Variants in PIP5K1C observed in about 807,000 individuals in gnomAD.
The protein encoded by PIP5K1C is phosphatidylinositol 4-phosphate 5-kinase type-1 gamma.
PIP5K1C carries 45 observed loss-of-function variants against 80.1 expected under a neutral mutation model. That is an observed-to-expected ratio of 0.56 (90% CI 0.44 to 0.72). The LOEUF (loss-of-function observed/expected upper bound fraction) is 0.72, where lower values mean the gene tolerates loss of function less well. Ranked by LOEUF, PIP5K1C falls within the 30% of genes least tolerant of loss-of-function variation. The probability of loss-of-function intolerance (pLI) is 0.00; values close to 1 mark genes in which losing one functional copy is unlikely to be tolerated. For missense variants in PIP5K1C, 753 were observed against 954.6 expected (o/e 0.79, Z 2.78); for synonymous variants, 498 against 420.1 (o/e 1.19, Z -2.27).
At chr19:3,663,968 C>T (rs1212321343) in intron 3 of PIP5K1C, among the ~76,000 whole-genome samples, 1 of 152,158 alleles carries the variant, frequency 6.6e-6, no homozygotes, top group Non-Finnish European at 1.5e-5. Flanking sequence ...GTGAAGCACC[C>T]GAGCGTCCAT....
At position 3,637,756 on chromosome 19, in the gene PIP5K1C, G is replaced by T. The variant is rs1380750592; in HGVS notation, c.1920+1128C>A. ...GACAGCTGACTGCCAAGCAGAAGGT[G>T]GGGGGTGCCGGGGCAGGGGCAGGAC... is the stretch of plus-strand genomic sequence containing the variant. On this transcript the variant is annotated intron_variant, in intron 16 of 17. Coordinates refer to ENST00000335312, the MANE Select transcript of PIP5K1C (RefSeq NM_012398.3). This position sits in a 1 kb window ranked among gnomAD's most constrained non-coding sequence, Gnocchi z 7.0. 5 of 1,528,766 alleles carry T rather than the reference G, an allele frequency of 3.3e-6. No homozygotes were observed. Among genetic ancestry groups the T allele is most frequent in the Middle Eastern group, 2.2e-4 (1 of 4,628 alleles). The allele number at this position is 1,528,766 out of a possible 1,614,324, so 94.7% of individuals were successfully genotyped here.
At chr19:3,639,999 G>A (rs1165149579) in intron 15 of PIP5K1C, among the ~76,000 whole-genome samples, 1 of 152,204 alleles carries the variant, frequency 6.6e-6, no homozygotes, top group Non-Finnish European at 1.5e-5. Context: ...ATTTCACGGT[G>A]CAAGGTTTGG....
rs1599920108 is a variant in PIP5K1C at position 3,637,089 on chromosome 19, G to T, written c.1920+1795C>A. On this transcript the variant is annotated intron_variant, in intron 16 of 17. Transcript: ENST00000335312. This position sits in a 1 kb window ranked among gnomAD's most constrained non-coding sequence, Gnocchi z 7.0. ...CGTCTCCATGGCCCTGCGGTTCAGA[G>T]CCCGGCCCTGCAGCCACTCTGCTGA... The T allele has an allele frequency of 3.1e-6, 4 of 1,276,296 alleles. No individual in the cohort carries two copies. Among genetic ancestry groups the T allele is most frequent in the East Asian group, 4.0e-5 (1 of 25,090 alleles). 79.1% of individuals were successfully genotyped at this position (1,276,296 alleles called of 1,614,324 possible).
chr19:3,669,880 G>A (rs2035144073), intron 1 of PIP5K1C: 1 of 152,302 alleles, frequency 6.6e-6, no homozygotes, highest in African/African-American at 2.4e-5. Context: ...GCAGCCCATA[G>A]CTTTGCTCTG....
At chr19:3,661,108 C>T (rs1428613827) in intron 4 of PIP5K1C, 25 bp from the exon 5 acceptor site, 2 of 1,535,020 alleles carry the variant, frequency 1.3e-6, no homozygotes, top group African/African-American at 1.4e-5. Flanking sequence ...CGGGAGGAAA[C>T]CTGTGAGGGG....
At position 3,661,061 on chromosome 19, in the gene PIP5K1C, C is replaced by T; in HGVS notation, c.373G>A (p.Ala125Thr). ...AAGCGGAAGTCCTGGAAGTGGTGGGCGGGGGTGAGGTTGCTGCCTTCGCTG... is the reference window on the plus strand; with the variant it reads ...AAGCGGAAGTCCTGGAAGTGGTGGGTGGGGGTGAGGTTGCTGCCTTCGCTG... Reference protein sequence around the residue: ...FPSEGSNLTPAHHFQDFRFKT... With the variant: ...FPSEGSNLTPTHHFQDFRFKT... The change falls in exon 5 of 18, where the codon GCC becomes ACC. Residue 125 changes from alanine (A) to threonine (T), a missense_variant. By Grantham distance (58) the Ala-to-Thr change is moderately conservative. Around this residue, in one of 6 missense-constraint regions of PIP5K1C, gnomAD observed 139 missense variants for 289.7 expected, o/e 0.48. Coordinates refer to ENST00000335312, the MANE Select transcript of PIP5K1C (RefSeq NM_012398.3). 6 of 1,613,810 alleles carry T rather than the reference C, an allele frequency of 3.7e-6. No individual in the cohort carries two copies. The highest frequency in any genetic ancestry group is 5.1e-6 in the Non-Finnish European group (6 of 1,179,832).
At chr19:3,645,324 G>C (rs759073171) in intron 11 of PIP5K1C, among the ~76,000 whole-genome samples, 8 of 152,236 alleles carry the variant, frequency 5.3e-5, no homozygotes, top group African/African-American at 1.2e-4. Flanking sequence ...CAGACCCCAG[G>C]GGGGAATCCA....
In PIP5K1C at chr19:3,652,375, G is replaced by A. The variant is rs949428510; in HGVS notation, c.922-344C>T. The stretch of plus-strand genomic sequence containing the variant: ...CCAGCCCAGGCCCATGGGCAAGGAC[G>A]TGCCCGGCCTGACAGGTGACACCCA... On this transcript the variant is annotated intron_variant, in intron 7 of 17. Coordinates refer to ENST00000335312, the MANE Select transcript of PIP5K1C (RefSeq NM_012398.3). Among the ~76,000 whole-genome samples the A allele has an allele frequency of 1.4e-4, 21 of 152,260 alleles. No individual in the cohort carries two copies. The East Asian group carries it at 1.5e-3, about 11-fold the overall frequency.
At chr19:3,633,716 A>T (rs2033552107) in intron 16 of PIP5K1C, among the ~76,000 whole-genome samples, 196 bp from the exon 17 acceptor site, 1 of 152,010 alleles carries the variant, frequency 6.6e-6, no homozygotes, top group Non-Finnish European at 1.5e-5. Context: ...CTGGGGCCTC[A>T]GCTCAGCTTG....
In PIP5K1C at chr19:3,672,194, A is replaced by G. The variant is rs535812433; in HGVS notation, c.95-4841T>C. ...GTCTCTCTCTATAAAGTGCGGCTGA[A>G]GCCAGCTCGAGCCCTAGAGGCACTG... On this transcript the variant is annotated intron_variant, in intron 1 of 17. Coordinates refer to ENST00000335312, the MANE Select transcript of PIP5K1C (RefSeq NM_012398.3). Among the ~76,000 whole-genome samples, 36 of 152,350 alleles carry G rather than the reference A, an allele frequency of 2.4e-4. 1 individual carries two copies. The South Asian group carries it at 7.2e-3, about 31-fold the overall frequency.
At chr19:3,668,097 C>T (rs775207990) in intron 1 of PIP5K1C, among the ~76,000 whole-genome samples, 1 of 151,978 alleles carries the variant, frequency 6.6e-6, no homozygotes, top group Non-Finnish European at 1.5e-5. Flanking sequence ...GGGCCTGGGC[C>T]GCAGCTCCAG....
chr19:3,697,705 G>A (rs1205069253), intron 1 of PIP5K1C, among the ~76,000 whole-genome samples: 1 of 152,134 alleles, frequency 6.6e-6, no homozygotes, highest in African/African-American at 2.4e-5. Context: ...GTGGGAGTGG[G>A]GCAGGGGCAG....
Position 3,653,599 on chromosome 19 carries a change from G to C in PIP5K1C, c.622-10C>G. 6.2e-7 allele frequency: 1 copy of C among 1,603,522 alleles called. No homozygotes were observed. Among genetic ancestry groups the C allele is most frequent in the African/African-American group, 1.3e-5 (1 of 74,870 alleles). ...GGTTCTGGTTGAGGTTCTGCCGGGG[G>C]AAGAGGGCAAGTCGTGGAGGGCGGC... On this transcript the variant is annotated splice_polypyrimidine_tract_variant and intron_variant, in intron 6 of 17. Transcript: ENST00000335312.
At chr19:3,697,919 C>T (rs1364401239) in intron 1 of PIP5K1C, among the ~76,000 whole-genome samples, 2 of 152,372 alleles carry the variant, frequency 1.3e-5, no homozygotes, top group Admixed American at 1.3e-4. Flanking sequence ...ATTCAGGCCA[C>T]GCCTCGGGAG....
rs960160766 is a variant in PIP5K1C at position 3,692,113 on chromosome 19, G to A, written c.94+8184C>T. ...CTGGGCGCCCACCATGGGCAGGGCC[G>A]GCTCTGAGCCTTTTGTGTGCATTGA... On this transcript the variant is annotated intron_variant, in intron 1 of 17. Transcript: ENST00000335312. This position sits in a 1 kb window ranked among gnomAD's most constrained non-coding sequence, Gnocchi z 5.2. 1.5e-4 allele frequency among the ~76,000 whole-genome samples: 23 copies of A among 152,194 alleles called. No homozygotes were observed. The highest frequency in any genetic ancestry group is 3.9e-4 in the Admixed American group (6 of 15,288).
intron 3 of PIP5K1C, among the ~76,000 whole-genome samples, chr19:3,664,401 G>C (rs1462892028): frequency 6.6e-6 from 1 of 152,060 alleles, no homozygotes; most frequent in Non-Finnish European, 1.5e-5. Flanking sequence ...GAAAAAACAG[G>C]CCCTAGGTGG....
intron 8 of PIP5K1C, among the ~76,000 whole-genome samples, chr19:3,651,524 C>G (rs1204479104): frequency 6.6e-6 from 1 of 152,340 alleles, no homozygotes; most frequent in Admixed American, 6.5e-5. Flanking sequence ...TGAGTGCCAC[C>G]GGGAAACGCT....
intron 1 of PIP5K1C, among the ~76,000 whole-genome samples, chr19:3,674,462 C>G (rs1423756125): frequency 1.3e-5 from 2 of 151,886 alleles, no homozygotes; most frequent in African/African-American, 2.4e-5. Context: ...AAGCGATTCT[C>G]CTGCCTCAGC....
intron 14 of PIP5K1C, 111 bp downstream of exon 14, chr19:3,642,796 C>T: frequency 2.3e-6 from 2 of 871,512 alleles, no homozygotes; most frequent in Non-Finnish European, 3.9e-6. Context: ...TTAAATCTGT[C>T]CCCAGGAGAG....
Sources: allele counts gnomAD v4.1 joint callset (sites outside exome capture counted in the v4.1 genomes callset), GRCh38; gene constraint gnomAD v4.1.1; regional missense constraint gnomAD v4.1.1; non-coding constraint Gnocchi (gnomAD v3.1); transcripts MANE v1.5; gene names NCBI Gene and HGNC (gene_info 2026-07-23, HGNC 2026-07-21).